TEAD1: variants seen among roughly 807,000 people sequenced by gnomAD.
TEAD1 encodes TEA domain transcription factor 1, also known as transcriptional enhancer factor TEF-1.
TEAD1 carries 9 observed loss-of-function variants against 54.9 expected under a neutral mutation model. The ratio of observed to expected loss-of-function variants is 0.16; its 90% CI spans 0.10 to 0.29. TEAD1 has a LOEUF of 0.29. Among genes scored for constraint, TEAD1 ranks in the 10% least tolerant of loss-of-function variants. TEAD1 has a pLI of 1.00. For missense variants in TEAD1, 387 were observed against 535.9 expected (o/e 0.72, Z 2.74); for synonymous variants, 200 against 187.8 (o/e 1.07, Z -0.53).
chr11:12,929,205 C>T (rs868098461), intron 11 of TEAD1, among the ~76,000 whole-genome samples: 14 of 69,134 alleles, frequency 2.0e-4, no homozygotes, highest in East Asian at 2.4e-3. Flanking sequence ...TGTGTGTCTG[C>T]TTTAGGGTTA....
chr11:12,761,414 G>A (rs1355432656), intron 2 of TEAD1, among the ~76,000 whole-genome samples: 1 of 152,206 alleles, frequency 6.6e-6, no homozygotes, highest in Non-Finnish European at 1.5e-5. Context: ...CACTAAGTGT[G>A]CAGTTATGAT....
chr11:12,763,586 C>G (rs1014171924), intron 2 of TEAD1, among the ~76,000 whole-genome samples: 2 of 152,226 alleles, frequency 1.3e-5, no homozygotes, highest in Non-Finnish European at 2.9e-5. Flanking sequence ...TCCTTCCCTC[C>G]TTGATCCTGC....
chr11:12,815,980 A>G (rs1946406764), intron 3 of TEAD1, among the ~76,000 whole-genome samples: 1 of 152,232 alleles, frequency 6.6e-6, no homozygotes, highest in African/African-American at 2.4e-5. Context: ...AGGTTTTGAT[A>G]TGCCCAGGAC....
chr11:12,853,181 C>G (rs778090294), intron 3 of TEAD1, among the ~76,000 whole-genome samples: 4 of 152,062 alleles, frequency 2.6e-5, no homozygotes, highest in Non-Finnish European at 5.9e-5. Context: ...AAAGATTTTC[C>G]TTGGTGGTCT....
intron 3 of TEAD1, among the ~76,000 whole-genome samples, chr11:12,851,738 G>A (rs1011650198): frequency 1.3e-5 from 2 of 151,776 alleles, no homozygotes; most frequent in African/African-American, 4.8e-5. Context: ...AGGCAGAGGT[G>A]AGCTGAGATC....
intron 2 of TEAD1, among the ~76,000 whole-genome samples, chr11:12,754,513 G>C (rs1944945539): frequency 6.6e-6 from 1 of 152,158 alleles, no homozygotes; most frequent in Non-Finnish European, 1.5e-5. Flanking sequence ...TCAGACTTCT[G>C]CCTGTTACAA....
chr11:12,930,140 G>A (rs1190628843), intron 11 of TEAD1, 34 bp from the exon 12 acceptor site: 2 of 1,614,020 alleles, frequency 1.2e-6, no homozygotes, highest in Non-Finnish European at 1.7e-6. Context: ...GGAGTCAAAA[G>A]TGTAAAAATA....
intron 3 of TEAD1, among the ~76,000 whole-genome samples, chr11:12,821,431 A>C (rs1279449043): frequency 6.6e-6 from 1 of 152,190 alleles, no homozygotes; most frequent in Non-Finnish European, 1.5e-5. Flanking sequence ...TAGAAATGGA[A>C]AGCACTGTGG....
chr11:12,819,729 GCGTGAACCA>G (rs1333987390), intron 3 of TEAD1, among the ~76,000 whole-genome samples: 2 of 152,186 alleles, frequency 1.3e-5, no homozygotes, highest in Non-Finnish European at 2.9e-5. Flanking sequence ...GGGATTACAG[GCGTGAACCA>G]CCAAGCCCGG....
chr11:12,701,796 T>A (rs1943708163), intron 2 of TEAD1, among the ~76,000 whole-genome samples: 1 of 152,132 alleles, frequency 6.6e-6, no homozygotes, highest in Non-Finnish European at 1.5e-5. Flanking sequence ...CTGAGTTCCT[T>A]TTGAAGCTAA....
At chr11:12,842,902 A>G (rs1947069793) in intron 3 of TEAD1, among the ~76,000 whole-genome samples, 1 of 152,146 alleles carries the variant, frequency 6.6e-6, no homozygotes, top group Non-Finnish European at 1.5e-5. Context: ...TCTAAAATGA[A>G]TGGTTTATTT....
At chr11:12,898,228 C>T (rs1329786079) in intron 9 of TEAD1, among the ~76,000 whole-genome samples, 2 of 152,124 alleles carry the variant, frequency 1.3e-5, no homozygotes, top group African/African-American at 4.8e-5. Context: ...AGTCACTTGG[C>T]TTCACTGCTT....
chr11:12,902,765 T>C (rs2134129856), intron 10 of TEAD1, among the ~76,000 whole-genome samples: 1 of 152,206 alleles, frequency 6.6e-6, no homozygotes, highest in African/African-American at 2.4e-5. Flanking sequence ...GCGACCTGGT[T>C]CCAGGGTAGC....
At chr11:12,844,998 G>A (rs1382170025) in intron 3 of TEAD1, among the ~76,000 whole-genome samples, 1 of 113,900 alleles carries the variant, frequency 8.8e-6, no homozygotes, top group Admixed American at 1.3e-4. Context: ...ACAGGGTCTC[G>A]CCTGTCGCCC....
At chr11:12,936,438 G>A (rs1949100840) in intron 12 of TEAD1, among the ~76,000 whole-genome samples, 1 of 152,150 alleles carries the variant, frequency 6.6e-6, no homozygotes, top group Admixed American at 6.5e-5. Flanking sequence ...TACTTTTCTG[G>A]GTCTAGGCAC....
At chr11:12,880,221 T>G (rs1400461086) in intron 6 of TEAD1, among the ~76,000 whole-genome samples, 1 of 152,222 alleles carries the variant, frequency 6.6e-6, no homozygotes, top group Non-Finnish European at 1.5e-5. Context: ...TCCCTCTGTC[T>G]TCAGGGGCAA....
At chr11:12,716,926 C>T (rs150401838) in intron 2 of TEAD1, among the ~76,000 whole-genome samples, 36 of 152,350 alleles carry the variant, frequency 2.4e-4, no homozygotes, top group African/African-American at 8.4e-4. Flanking sequence ...AATGGCTTCC[C>T]GCCCTGAGGT....
intron 2 of TEAD1, among the ~76,000 whole-genome samples, chr11:12,747,984 C>T (rs1944782751): frequency 6.9e-6 from 1 of 145,704 alleles, no homozygotes; most frequent in Non-Finnish European, 1.5e-5. Context: ...TTTTTTGAGA[C>T]AGAGTCTTGC....
At chr11:12,854,478 C>T (rs1417768150) in intron 3 of TEAD1, among the ~76,000 whole-genome samples, 1 of 152,160 alleles carries the variant, frequency 6.6e-6, no homozygotes, top group East Asian at 1.9e-4. Context: ...TGTGCTGTGA[C>T]CGAGAGGCGT....
Sources: allele counts gnomAD v4.1 joint callset (sites outside exome capture counted in the v4.1 genomes callset), GRCh38; gene constraint gnomAD v4.1.1; transcripts MANE v1.5; gene names NCBI Gene and HGNC (gene_info 2026-07-23, HGNC 2026-07-21).